The following ARHGAP28 variants were observed in gnomAD, a reference collection of about 807,000 sequenced individuals.
ARHGAP28 encodes the protein rho GTPase-activating protein 28.
ARHGAP28 carries 56 observed loss-of-function variants against 90.7 expected under a neutral mutation model. The ratio of observed to expected loss-of-function variants is 0.62; its 90% CI spans 0.50 to 0.77. The LOEUF (loss-of-function observed/expected upper bound fraction) is 0.77, where lower values mean the gene tolerates loss of function less well. Ranked by LOEUF, ARHGAP28 falls within the 30% of genes least tolerant of loss-of-function variation. The pLI is 0.00. For missense variants in ARHGAP28, 869 were observed against 900.9 expected (o/e 0.96, Z 0.45); for synonymous variants, 308 against 323.3 (o/e 0.95, Z 0.51).
At chr18:6,863,776 G>A (rs1216190369) in intron 5 of ARHGAP28, among the ~76,000 whole-genome samples, 1 of 145,302 alleles carries the variant, frequency 6.9e-6, no homozygotes, top group East Asian at 2.1e-4. Flanking sequence ...TAGGCATAAA[G>A]CTTTGTTTAA....
chr18:6,809,580 C>G (rs151282521), intron 1 of ARHGAP28, among the ~76,000 whole-genome samples: 16 of 152,158 alleles, frequency 1.1e-4, no homozygotes, highest in South Asian at 2.1e-4. Flanking sequence ...ACATGGCCAG[C>G]AGGAGAGAGA....
intron 1 of ARHGAP28, among the ~76,000 whole-genome samples, chr18:6,765,116 TTG>T (rs2056190201): frequency 1.3e-5 from 2 of 152,226 alleles, no homozygotes; most frequent in Admixed American, 1.3e-4. Flanking sequence ...CCATAGGTTT[TTG>T]TTCTGGTAAT....
intron 1 of ARHGAP28, among the ~76,000 whole-genome samples, chr18:6,771,078 C>G (rs563730228): frequency 1.3e-5 from 2 of 151,752 alleles, no homozygotes; most frequent in African/African-American, 4.8e-5. Context: ...GCTCTGTCAC[C>G]CAGCCTGGAG....
Position 6,873,476 on chromosome 18 carries a change from A to G in ARHGAP28, c.1022A>G (p.Lys341Arg). ...EAGDLSAEDM[K>R]KIRHLSLIEL... ...GGAGATCTGTCTGCTGAAGACATGA[A>G]GAAAATCCGCCATCTCTCTCTGATT... The change falls in exon 8 of 18, where the codon AAG becomes AGG. Residue 341 changes from lysine to arginine, a missense_variant. By Grantham distance (26) the Lys-to-Arg change is conservative. Transcript: ENST00000383472. The G allele has an allele frequency of 6.2e-7, 1 of 1,614,150 alleles. No individual in the cohort carries two copies. Among genetic ancestry groups the G allele is most frequent in the Non-Finnish European group, 8.5e-7 (1 of 1,180,020 alleles).
chr18:6,813,964 C>T (rs1309187502), intron 1 of ARHGAP28, among the ~76,000 whole-genome samples: 1 of 152,090 alleles, frequency 6.6e-6, no homozygotes, highest in Non-Finnish European at 1.5e-5. Flanking sequence ...CAATTCAAAG[C>T]TGTTTATGTG....
At chr18:6,907,854 C>T (rs9954518) in intron 16 of ARHGAP28, among the ~76,000 whole-genome samples, 77,688 of 151,874 alleles carry the variant, frequency 0.51, 20,257 homozygotes, top group Middle Eastern at 0.62. Context: ...CTTAAAACTA[C>T]GTGTGAATCT....
intron 5 of ARHGAP28, among the ~76,000 whole-genome samples, chr18:6,864,752 A>T (rs536978706): frequency 3.6e-4 from 55 of 152,236 alleles, no homozygotes; most frequent in Non-Finnish European, 3.2e-4. Context: ...TGGCATGATC[A>T]TGGCTCACTG....
chr18:6,902,706 T>C (rs890906246), intron 16 of ARHGAP28, among the ~76,000 whole-genome samples: 3 of 152,194 alleles, frequency 2.0e-5, no homozygotes, highest in Admixed American at 6.5e-5. Flanking sequence ...TGTGCACCAC[T>C]GGTGGGAAGT....
At chr18:6,857,646 C>T (rs934938577) in intron 4 of ARHGAP28, among the ~76,000 whole-genome samples, 9 of 152,250 alleles carry the variant, frequency 5.9e-5, no homozygotes, top group African/African-American at 1.7e-4. Flanking sequence ...CCCCCAGTCC[C>T]GTCTATCAGA....
At chr18:6,890,399 C>A in intron 13 of ARHGAP28, 31 bp from the exon 14 acceptor site, 1 of 1,422,164 alleles carries the variant, frequency 7.0e-7, no homozygotes. Flanking sequence ...CAAGTGTTTT[C>A]CATCCAGTCC....
chr18:6,894,756 G>C (rs1339749696), intron 14 of ARHGAP28, 79 bp from the exon 15 acceptor site: 1 of 1,192,310 alleles, frequency 8.4e-7, no homozygotes, highest in Non-Finnish European at 1.2e-6. Flanking sequence ...TCTCCATAAA[G>C]ATTGTACCAG....
chr18:6,731,894 C>T (rs2055885665), intron 1 of ARHGAP28, among the ~76,000 whole-genome samples: 1 of 152,170 alleles, frequency 6.6e-6, no homozygotes, highest in Admixed American at 6.5e-5. Flanking sequence ...CTGAAGAAAG[C>T]ACTCTCTCTT....
At chr18:6,762,934 T>C (rs2056173239) in intron 1 of ARHGAP28, among the ~76,000 whole-genome samples, 1 of 152,186 alleles carries the variant, frequency 6.6e-6, no homozygotes, top group Admixed American at 6.5e-5. Flanking sequence ...GCTTCAGGAC[T>C]GAGCATAGAA....
intron 1 of ARHGAP28, among the ~76,000 whole-genome samples, chr18:6,815,539 GTT>G (rs1469881660): frequency 6.6e-6 from 1 of 152,150 alleles, no homozygotes; most frequent in Non-Finnish European, 1.5e-5. Flanking sequence ...TATTCACAAA[GTT>G]GGGATATCGC....
At chr18:6,849,252 C>CAAAAAAA (rs35080791) in intron 3 of ARHGAP28, among the ~76,000 whole-genome samples, 10 of 88,248 alleles carry the variant, frequency 1.1e-4, no homozygotes, top group Non-Finnish European at 1.8e-4. Flanking sequence ...GACCTTGTCT[C>CAAAAAAA]AAAAAAAAAA....
intron 16 of ARHGAP28, among the ~76,000 whole-genome samples, chr18:6,907,465 G>A (rs1314238313): frequency 6.6e-6 from 1 of 151,202 alleles, no homozygotes; most frequent in East Asian, 1.9e-4. Flanking sequence ...TCTATACCAT[G>A]GAATACTACT....
At chr18:6,733,537 A>G (rs2055901230) in intron 1 of ARHGAP28, among the ~76,000 whole-genome samples, 2 of 152,150 alleles carry the variant, frequency 1.3e-5, no homozygotes, top group Non-Finnish European at 2.9e-5. Flanking sequence ...CTATTTTCTC[A>G]TACTACTTTT....
chr18:6,875,449 TG>T (rs1224994868), intron 9 of ARHGAP28, among the ~76,000 whole-genome samples: 1 of 152,182 alleles, frequency 6.6e-6, no homozygotes, highest in African/African-American at 2.4e-5. Context: ...TGGGTGAACT[TG>T]GCCAAGTTAT....
At chr18:6,824,001 C>G (rs1248217872) in intron 1 of ARHGAP28, among the ~76,000 whole-genome samples, 1 of 152,290 alleles carries the variant, frequency 6.6e-6, no homozygotes, top group Non-Finnish European at 1.5e-5. Context: ...GTTGCAGTTT[C>G]TCTACCTGTT....
Sources: allele counts gnomAD v4.1 joint callset (sites outside exome capture counted in the v4.1 genomes callset), GRCh38; gene constraint gnomAD v4.1.1; transcripts MANE v1.5; gene names NCBI Gene and HGNC (gene_info 2026-07-23, HGNC 2026-07-21).